Variants in KYNU observed in about 807,000 individuals in gnomAD.
KYNU encodes L-kynurenine hydrolase.
In KYNU, 54 loss-of-function variants were observed where a neutral mutation model predicts 59.2. The observed-to-expected ratio is 0.91, with a 90% CI of 0.73 to 1.14. KYNU has a LOEUF of 1.14. Ranked by LOEUF, KYNU falls within the 50% of genes most tolerant of loss-of-function variation. The pLI, the probability that KYNU is intolerant of heterozygous loss-of-function variation, is 0.00. For synonymous variants in KYNU, 177 were observed against 192.0 expected, an observed-to-expected ratio of 0.92 and a Z score of 0.65; for missense variants, 567 against 554.4, an observed-to-expected ratio of 1.02 and a Z score of -0.23.
rs868412993 is a variant in KYNU at position 142,888,026 on chromosome 2, A to G, written c.169+2490A>G. Among the ~76,000 whole-genome samples the G allele has an allele frequency of 5.7e-4, 87 of 152,328 alleles. No homozygotes were observed. The Middle Eastern group carries it at 0.01, about 18-fold the overall frequency. On this transcript the variant is annotated intron_variant, in intron 2 of 13. Coordinates refer to ENST00000264170, the MANE Select transcript of KYNU (RefSeq NM_003937.3). Reference sequence around the variant, plus strand: ...AAAGTTGACTTAGTATCCTAATTATAGGTATAATATTGATTTTGATTAGTT... The same window carrying G: ...AAAGTTGACTTAGTATCCTAATTATGGGTATAATATTGATTTTGATTAGTT...
chr2:142,894,937 T>G lies in KYNU; in HGVS notation c.169+9401T>G, dbSNP rs1222257337. On this transcript the variant is annotated intron_variant, in intron 2 of 13. Transcript: ENST00000264170. ...GCCTGGGCAACATAGTGACACCCTG[T>G]CACTACACACCTTTTTCTGTTCATA... Among the ~76,000 whole-genome samples, 3 of 152,254 alleles carry G rather than the reference T, an allele frequency of 2.0e-5. No homozygotes were observed. In the East Asian group the frequency reaches 5.8e-4, roughly 29 times the overall value.
chr2:142,951,703 A>T (rs1442238477), intron 4 of KYNU, among the ~76,000 whole-genome samples: 1 of 152,254 alleles, frequency 6.6e-6, no homozygotes, highest in Admixed American at 6.5e-5. Flanking sequence ...AAGTGTACAC[A>T]TTCTTGCATG....
At chr2:142,972,811 T>G (rs201690168) in intron 8 of KYNU, among the ~76,000 whole-genome samples, 12,080 of 131,862 alleles carry the variant, frequency 0.092, 526 homozygotes, top group African/African-American at 0.15. Flanking sequence ...TATATATATA[T>G]ATAGAGAGAG....
chr2:143,030,822 CCTAAT>C (rs1327739065), intron 11 of KYNU, among the ~76,000 whole-genome samples: 1 of 151,916 alleles, frequency 6.6e-6, no homozygotes, highest in African/African-American at 2.4e-5. Context: ...ATTTAATACA[CCTAAT>C]CTATAGAACA....
At position 142,986,156 on chromosome 2, in the gene KYNU, G is replaced by T. The variant is rs977477167; in HGVS notation, c.902+135G>T. The T allele has an allele frequency of 4.4e-6, 3 of 677,114 alleles. No homozygotes were observed. In the African/African-American group the frequency reaches 5.4e-5, roughly 12 times the overall value. 41.9% of individuals were successfully genotyped at this position (677,114 alleles called of 1,614,324 possible). On this transcript the variant is annotated intron_variant, in intron 10 of 13. Coordinates refer to ENST00000264170, the MANE Select transcript of KYNU (RefSeq NM_003937.3). ...TGGATTATAATTATTTTCCTACTCT[G>T]CTAACAACAATATACTTCATTTGAA...
intron 8 of KYNU, among the ~76,000 whole-genome samples, chr2:142,965,274 A>G (rs1573848905): frequency 6.6e-6 from 1 of 152,174 alleles, no homozygotes; most frequent in Non-Finnish European, 1.5e-5. Flanking sequence ...CAGTACACTC[A>G]GCTTTTCTGT....
Position 142,958,874 on chromosome 2 carries a change from T to C in KYNU, c.582+1159T>C, listed in dbSNP as rs574616022. Among the ~76,000 whole-genome samples, 12 of 152,334 alleles carry C rather than the reference T, an allele frequency of 7.9e-5. No individual in the cohort carries two copies. In the South Asian group the frequency reaches 2.5e-3, roughly 32 times the overall value. ...CTATAATATTTTCCTTACCACTTTA[T>C]TGGAAATTATGGTGGGTAAACCTTA... On this transcript the variant is annotated intron_variant, in intron 7 of 13. Coordinates refer to ENST00000264170, the MANE Select transcript of KYNU (RefSeq NM_003937.3).
chr2:142,932,450 T>G (rs144714705), intron 4 of KYNU, among the ~76,000 whole-genome samples: 1 of 152,190 alleles, frequency 6.6e-6, no homozygotes, highest in East Asian at 1.9e-4. Context: ...TTCCAGCCGA[T>G]ATGTGATTGT....
At chr2:143,008,385 C>G (rs1258852312) in intron 10 of KYNU, among the ~76,000 whole-genome samples, 604 of 61,678 alleles carry the variant, frequency 9.8e-3, no homozygotes, top group East Asian at 0.012. Context: ...GCACCCAATA[C>G]AGGAGCACCC....
chr2:142,935,030 T>G (rs571505503), intron 4 of KYNU, among the ~76,000 whole-genome samples: 61 of 152,318 alleles, frequency 4.0e-4, no homozygotes, highest in Admixed American at 9.2e-4. Context: ...AGACTACCTG[T>G]GTTTTGCCTT....
chr2:143,029,188 A>G (rs1686667152), intron 10 of KYNU, among the ~76,000 whole-genome samples: 1 of 152,188 alleles, frequency 6.6e-6, no homozygotes, highest in Non-Finnish European at 1.5e-5. Flanking sequence ...ACCATATGAT[A>G]CCAGATAGTA....
chr2:142,941,220 A>C (rs954265309), intron 4 of KYNU, among the ~76,000 whole-genome samples: 1 of 152,212 alleles, frequency 6.6e-6, no homozygotes, highest in African/African-American at 2.4e-5. Flanking sequence ...CTTTATTAGC[A>C]TCAACTCTCC....
chr2:142,905,794 C>T (rs1377626866), intron 2 of KYNU, among the ~76,000 whole-genome samples: 1 of 152,164 alleles, frequency 6.6e-6, no homozygotes, highest in Non-Finnish European at 1.5e-5. Flanking sequence ...GATAGGAAGG[C>T]TACAGGTTGT....
chr2:143,014,297 G>A (rs916596957), intron 10 of KYNU, among the ~76,000 whole-genome samples: 5 of 152,170 alleles, frequency 3.3e-5, no homozygotes, highest in Admixed American at 6.5e-5. Flanking sequence ...TTATCTAGTG[G>A]TATGGAGTAC....
chr2:143,007,838 T>C (rs1426456390), intron 10 of KYNU, among the ~76,000 whole-genome samples: 1 of 118,288 alleles, frequency 8.5e-6, no homozygotes, highest in African/African-American at 3.9e-5. Flanking sequence ...AATAAAATAC[T>C]TTACAGACAA....
chr2:142,881,025 G>A (rs1439876), intron 1 of KYNU, among the ~76,000 whole-genome samples: 83,211 of 152,052 alleles, frequency 0.55, 23,775 homozygotes, highest in African/African-American at 0.7. Flanking sequence ...AGAGGAAGAC[G>A]GGCTACTTTT....
rs116645296 is a variant in KYNU at position 143,054,716 on chromosome 2, G to T, written c.*12544G>T. 2.3e-4 allele frequency: 35 copies of T among 152,270 alleles called. No homozygotes were observed. The highest frequency in any genetic ancestry group is 7.9e-4 in the African/African-American group (33 of 41,558). 9.4% of individuals were successfully genotyped at this position (152,270 alleles called of 1,614,324 possible). On this transcript the variant is annotated 3_prime_UTR_variant, in exon 14 of 14. Transcript: ENST00000264170. ...ATGAAGAATAGAGGGGCAATTAAAT[G>T]ATACCATAAAGAGTCAAATACAGGG...
chr2:143,037,835 A>G (rs1320807019), intron 12 of KYNU, among the ~76,000 whole-genome samples: 14 of 152,184 alleles, frequency 9.2e-5, no homozygotes, highest in African/African-American at 3.1e-4. Flanking sequence ...ATTCTCTCTC[A>G]ATATTTTTAT....
chr2:142,986,185 C>T (rs546251029), intron 10 of KYNU, among the ~76,000 whole-genome samples, 164 bp downstream of exon 10: 1 of 152,054 alleles, frequency 6.6e-6, no homozygotes, highest in South Asian at 2.1e-4. Flanking sequence ...ATTTGAAATA[C>T]ATGCTTTCCA....
Sources: allele counts gnomAD v4.1 joint callset (sites outside exome capture counted in the v4.1 genomes callset), GRCh38; gene constraint gnomAD v4.1.1; transcripts MANE v1.5; gene names NCBI Gene and HGNC (gene_info 2026-07-23, HGNC 2026-07-21).